PRDM16: variants seen among roughly 807,000 people sequenced by gnomAD.
PRDM16 encodes the protein PR/SET domain 16.
In PRDM16, 23 loss-of-function variants were observed where a neutral mutation model predicts 110.6. The ratio of observed to expected loss-of-function variants is 0.21; its 90% CI spans 0.15 to 0.29. The LOEUF is 0.29. Among genes scored for constraint, PRDM16 ranks in the 10% least tolerant of loss-of-function variants. The pLI, the probability that PRDM16 is intolerant of heterozygous loss-of-function variation, is 1.00. For missense variants in PRDM16, 1,615 were observed against 1,794.3 expected, an observed-to-expected ratio of 0.90 and a Z score of 1.81; for synonymous variants, 799 against 781.8, an observed-to-expected ratio of 1.02 and a Z score of -0.37.
chr1:3,182,066 G>A (rs181145476), intron 1 of PRDM16, among the ~76,000 whole-genome samples: 2 of 152,316 alleles, frequency 1.3e-5, no homozygotes, highest in African/African-American at 2.4e-5. Context: ...ACATTCACAC[G>A]CACTCTGGGG....
chr1:3,106,266 T>G (rs914402404), intron 1 of PRDM16, among the ~76,000 whole-genome samples: 7 of 152,030 alleles, frequency 4.6e-5, no homozygotes, highest in African/African-American at 1.7e-4. Context: ...TTGGATGCGA[T>G]GGGGGTGTCC....
chr1:3,315,062 C>T (rs1163505859), intron 3 of PRDM16, among the ~76,000 whole-genome samples: 4 of 150,640 alleles, frequency 2.7e-5, no homozygotes, highest in East Asian at 3.9e-4. Flanking sequence ...CCCCGCTCCT[C>T]GAAGGCCAGT....
chr1:3,217,841 G>A (rs913331723), intron 2 of PRDM16, among the ~76,000 whole-genome samples: 16 of 152,190 alleles, frequency 1.1e-4, no homozygotes, highest in African/African-American at 3.4e-4. Flanking sequence ...TCGGGATGCC[G>A]CCTGCATGCT....
At chr1:3,182,529 G>C (rs1644223563) in intron 1 of PRDM16, among the ~76,000 whole-genome samples, 1 of 152,148 alleles carries the variant, frequency 6.6e-6, no homozygotes. Context: ...TCTGTTCCAG[G>C]ATCATTTCCT....
chr1:3,312,307 T>C (rs567863916), intron 3 of PRDM16, among the ~76,000 whole-genome samples: 59 of 152,336 alleles, frequency 3.9e-4, no homozygotes, highest in African/African-American at 1.4e-3. Flanking sequence ...CTCAGCGGCC[T>C]GCAGGCTGGC....
chr1:3,086,086 C>T (rs1642144381), intron 1 of PRDM16, among the ~76,000 whole-genome samples: 1 of 151,662 alleles, frequency 6.6e-6, no homozygotes, highest in East Asian at 2.0e-4. Flanking sequence ...ATGAAGGTCA[C>T]CATGGCCTGA....
intron 3 of PRDM16, among the ~76,000 whole-genome samples, chr1:3,279,069 A>G (rs550806439): frequency 5.2e-4 from 79 of 152,206 alleles, no homozygotes; most frequent in African/African-American, 1.8e-3. Flanking sequence ...CTCCATGTCA[A>G]CTTTGCAAAG....
intron 1 of PRDM16, among the ~76,000 whole-genome samples, chr1:3,154,085 G>A (rs1478793441): frequency 6.6e-6 from 1 of 152,144 alleles, no homozygotes; most frequent in Non-Finnish European, 1.5e-5. Flanking sequence ...CTTTGTCTGT[G>A]AGTTTCTGAT....
At chr1:3,409,849 T>TATGTGC (rs1487221142) in intron 8 of PRDM16, among the ~76,000 whole-genome samples, 100 of 127,040 alleles carry the variant, frequency 7.9e-4, no homozygotes, top group Middle Eastern at 4.7e-3. Flanking sequence ...GTGGTGTGGG[T>TATGTGC]GTGTGTGTGG....
chr1:3,256,171 A>G (rs1470596902), intron 3 of PRDM16, among the ~76,000 whole-genome samples: 1 of 152,220 alleles, frequency 6.6e-6, no homozygotes, highest in African/African-American at 2.4e-5. Context: ...TGACCCAACC[A>G]GTCTGAGAAG....
intron 3 of PRDM16, among the ~76,000 whole-genome samples, chr1:3,253,127 GC>G (rs1483607104): frequency 1.3e-5 from 2 of 151,980 alleles, no homozygotes; most frequent in African/African-American, 4.8e-5. Flanking sequence ...CCCCACACTA[GC>G]CATCCAGGTA....
chr1:3,087,389 C>A (rs1002560906), intron 1 of PRDM16, among the ~76,000 whole-genome samples: 1 of 152,208 alleles, frequency 6.6e-6, no homozygotes, highest in African/African-American at 2.4e-5. Flanking sequence ...GGCTGAGGAA[C>A]GCGAGAGCAG....
At chr1:3,361,837 A>AGGAG (rs550954723) in intron 3 of PRDM16, among the ~76,000 whole-genome samples, 3 of 148,130 alleles carry the variant, frequency 2.0e-5, no homozygotes, top group African/African-American at 5.0e-5. Context: ...ACTGTGGCCC[A>AGGAG]GGAGGGCAGG....
chr1:3,212,694 T>TCCCGCTCATCCTACCGGCCCC (rs1167908082), intron 2 of PRDM16, among the ~76,000 whole-genome samples: 13 of 151,164 alleles, frequency 8.6e-5, no homozygotes, highest in African/African-American at 2.7e-4. Context: ...GCTGCGGTCC[T>TCCCGCTCATCCTACCGGCCCC]CTCTGCCACT....
intron 3 of PRDM16, among the ~76,000 whole-genome samples, chr1:3,372,339 A>C (rs74050364): frequency 0.04 from 6,069 of 152,300 alleles, 404 homozygotes; most frequent in African/African-American, 0.13. Context: ...CCCCCACCCC[A>C]AGCTGCATCA....
At position 3,148,612 on chromosome 1, in the gene PRDM16, C is replaced by T. The variant is rs887623816; in HGVS notation, c.38-37513C>T. On this transcript the variant is annotated intron_variant, in intron 1 of 16. Transcript: ENST00000270722. This position sits in a 1 kb window ranked among gnomAD's most constrained non-coding sequence, Gnocchi z 5.0. ...CTTGCTGGGACCTCCTTGACGCTCA[C>T]GGGGCTCAGATCCCATCTCAGGTGG... 9.9e-5 allele frequency among the ~76,000 whole-genome samples: 15 copies of T among 152,196 alleles called. No homozygotes were observed. Among genetic ancestry groups the T allele is most frequent in the South Asian group, 6.2e-4 (3 of 4,832 alleles).
Position 3,414,640 on chromosome 1 carries a change from A to G in PRDM16, c.2684A>G (p.His895Arg). The change falls in exon 10 of 17, where the codon CAC becomes CGC. Residue 895 changes from histidine to arginine, a missense_variant. This residue lies in a region of PRDM16 where 772 missense variants were observed against 748.3 expected (regional missense o/e 1.03). Transcript: ENST00000270722. Reference sequence around the variant, plus strand: ...CTGCGGCCGTCCCCGCTGCTCTTCCACCCCCAGGTACGTCCTCAGTGCAGG... The same window carrying G: ...CTGCGGCCGTCCCCGCTGCTCTTCCGCCCCCAGGTACGTCCTCAGTGCAGG... ...KYLRPSPLLFHPQMSAIETMT... is the reference protein window; with the variant it reads ...KYLRPSPLLFRPQMSAIETMT... 1 of 1,612,138 alleles carries G rather than the reference A, an allele frequency of 6.2e-7. No homozygotes were observed. The highest frequency in any genetic ancestry group is 1.1e-5 in the South Asian group (1 of 90,912).
rs79608427 is a variant in PRDM16, at chr1:3,220,554, C to T, written c.388-23533C>T. On this transcript the variant is annotated intron_variant, in intron 2 of 16. Transcript: ENST00000270722. The stretch of plus-strand genomic sequence containing the variant: ...CGGCCCACCTGGCCTCGAGTCTTGC[C>T]GTACCCCCAGGCTGCTGTGGTTCTC... Among the ~76,000 whole-genome samples, 83 of 152,308 alleles carry T rather than the reference C, an allele frequency of 5.4e-4. No homozygotes were observed. The East Asian group carries it at 0.014, about 25-fold the overall frequency.
chr1:3,217,642 G>A (rs1341663418), intron 2 of PRDM16, among the ~76,000 whole-genome samples: 3 of 152,328 alleles, frequency 2.0e-5, no homozygotes, highest in African/African-American at 7.2e-5. Context: ...CTGAGTGCAC[G>A]CTGTCCAGAA....
Sources: gnomAD v4.1 joint callset for allele counts (sites outside exome capture counted in the v4.1 genomes callset) on GRCh38, gnomAD v4.1.1 for gene constraint, gnomAD v4.1.1 regional missense constraint, Gnocchi (gnomAD v3.1) non-coding constraint, MANE v1.5 for transcripts, NCBI Gene and HGNC (gene_info 2026-07-23, HGNC 2026-07-21) for gene names.